COL12A1: variants seen among roughly 807,000 people sequenced by gnomAD.
COL12A1 encodes collagen alpha-1(XII) chain.
Under a neutral mutation model 349.7 loss-of-function variants are expected in COL12A1, and 114 were observed. That is an observed-to-expected ratio of 0.33 (90% CI 0.28 to 0.38). The LOEUF (loss-of-function observed/expected upper bound fraction) is 0.38. Ranked by LOEUF, COL12A1 falls within the 10% of genes least tolerant of loss-of-function variation. The pLI is 1.00. For missense variants in COL12A1, 3,284 were observed against 3,756.9 expected, an observed-to-expected ratio of 0.87 and a Z score of 3.29; for synonymous variants, 1,369 against 1,329.0, an observed-to-expected ratio of 1.03 and a Z score of -0.66.
At chr6:75,176,518 T>C (rs969172161) in intron 12 of COL12A1, among the ~76,000 whole-genome samples, 14 of 142,110 alleles carry the variant, frequency 9.9e-5, no homozygotes, top group African/African-American at 3.7e-4. Context: ...GAGAGTGATG[T>C]AGAGGGAGGG....
chr6:75,196,559 A>G (rs1400835678), intron 2 of COL12A1, among the ~76,000 whole-genome samples: 2 of 152,218 alleles, frequency 1.3e-5, no homozygotes, highest in African/African-American at 4.8e-5. Flanking sequence ...AGATTAGACT[A>G]TTAATCTACA....
Position 75,118,312 on chromosome 6 carries a change from C to T in COL12A1, c.7354+731G>A, listed in dbSNP as rs74903179. On this transcript the variant is annotated intron_variant, in intron 46 of 65. Coordinates refer to ENST00000322507, the MANE Select transcript of COL12A1 (RefSeq NM_004370.6). ...GAAAAAAAGACAGTATGACTTAGCA[C>T]TAATCATAACTCATAAATTTAGCCA... 3.9e-5 allele frequency among the ~76,000 whole-genome samples: 6 copies of T among 152,200 alleles called. No individual in the cohort carries two copies. The East Asian group carries it at 1.2e-3, about 29-fold the overall frequency.
intron 52 of COL12A1, among the ~76,000 whole-genome samples, chr6:75,108,180 A>G (rs887818421): frequency 3.3e-5 from 5 of 151,876 alleles, no homozygotes; most frequent in African/African-American, 1.2e-4. Context: ...CCTAGGCTCT[A>G]GCAGTCTTCC....
chr6:75,102,575 T>A, intron 56 of COL12A1, 22 bp downstream of exon 56: 1 of 1,477,004 alleles, frequency 6.8e-7, no homozygotes, highest in African/African-American at 1.5e-5. Flanking sequence ...TCTCATTTAA[T>A]ACAGAAAGGC....
chr6:75,154,286 T>C (rs949046529), intron 17 of COL12A1, 130 bp downstream of exon 17: 1 of 1,115,114 alleles, frequency 9.0e-7, no homozygotes, highest in Admixed American at 3.2e-5. Context: ...TTGCTAAGTA[T>C]GTAAATTATT....
chr6:75,154,370 A>G, intron 17 of COL12A1, 46 bp downstream of exon 17: 2 of 1,589,294 alleles, frequency 1.3e-6, no homozygotes, highest in Non-Finnish European at 1.7e-6. Flanking sequence ...CATTTGAAAT[A>G]GTTTCCTAAG....
chr6:75,144,430 GCT>G (rs1408952517), intron 25 of COL12A1, among the ~76,000 whole-genome samples: 1 of 152,142 alleles, frequency 6.6e-6, no homozygotes, highest in African/African-American at 2.4e-5. Flanking sequence ...GCCCCATCAT[GCT>G]CTGTTTCCTT....
At chr6:75,139,799 C>T (rs997677459) in intron 27 of COL12A1, among the ~76,000 whole-genome samples, 5 of 152,172 alleles carry the variant, frequency 3.3e-5, no homozygotes, top group Non-Finnish European at 7.3e-5. Context: ...CTGCTGAAAT[C>T]CCCTTTCACA....
intron 53 of COL12A1, among the ~76,000 whole-genome samples, chr6:75,106,177 C>T (rs1053624416): frequency 4.6e-5 from 7 of 152,142 alleles, no homozygotes; most frequent in Non-Finnish European, 1.0e-4. Flanking sequence ...AACACATTAA[C>T]TCAGCAGGAC....
rs182622694 is a variant in COL12A1, at chr6:75,137,863, G to A, written c.5252-284C>T. On this transcript the variant is annotated intron_variant, in intron 30 of 65. Transcript: ENST00000322507. ...AATTAGGGTTAGATTAGGTCATGAG[G>A]GTGGGGCTGCCATAATGGGATTAGT... is the stretch of plus-strand genomic sequence containing the variant. 2.9e-3 allele frequency among the ~76,000 whole-genome samples: 438 copies of A among 152,034 alleles called. 6 individuals carry two copies. Among genetic ancestry groups the A allele is most frequent in the African/African-American group, 0.01 (421 of 41,446 alleles).
In COL12A1 at chr6:75,142,025, A is replaced by C. The variant is rs754330750; in HGVS notation, c.4957+7T>G. The C allele has an allele frequency of 6.2e-7, 1 of 1,614,016 alleles. No individual in the cohort carries two copies. The highest frequency in any genetic ancestry group is 8.5e-7 in the Non-Finnish European group (1 of 1,179,948). ...CCCATTATCAGTGGAGCAGGAGCAC[A>C]ACTCACGGGTAGTTTCTTGAGCAGT... On this transcript the variant is annotated splice_region_variant and intron_variant, in intron 27 of 65. Coordinates refer to ENST00000322507, the MANE Select transcript of COL12A1 (RefSeq NM_004370.6).
intron 17 of COL12A1, 69 bp from the exon 18 acceptor site, chr6:75,152,551 C>T: frequency 1.8e-5 from 28 of 1,557,298 alleles, no homozygotes; most frequent in Non-Finnish European, 2.3e-5. Context: ...CTTGTCACAC[C>T]TCTACCACTC....
In COL12A1 at chr6:75,154,417, A is replaced by G. The variant is rs761267414; in HGVS notation, c.3564T>C (p.Ser1188=). The change falls in exon 17 of 66, where the codon TCT becomes TCC. Residue 1188 remains serine, a splice_region_variant and synonymous_variant. Transcript: ENST00000322507. ...SDTTVMPILS[S]GMECLTRAEA... ...AAGGAATGTAACTCAATTTCTTACC[A>G]GAAGATAAAATTGGCATAACAGTTG... 6.2e-7 allele frequency: 1 copy of G among 1,611,284 alleles called. No homozygotes were observed. Among genetic ancestry groups the G allele is most frequent in the Non-Finnish European group, 8.5e-7 (1 of 1,178,422 alleles).
intron 42 of COL12A1, 76 bp from the exon 43 acceptor site, chr6:75,123,480 A>T: frequency 8.4e-7 from 1 of 1,185,984 alleles, no homozygotes; most frequent in Non-Finnish European, 1.2e-6. Context: ...TTTTAAGAGC[A>T]ATTTAAATCC....
intron 27 of COL12A1, among the ~76,000 whole-genome samples, chr6:75,140,428 G>C (rs988098056): frequency 3.9e-5 from 6 of 152,082 alleles, no homozygotes; most frequent in Admixed American, 3.9e-4. Context: ...AGACCGAGGC[G>C]GGCGGATCAC....
At position 75,165,662 on chromosome 6, in the gene COL12A1, T is replaced by C; in HGVS notation, c.2828A>G (p.Tyr943Cys). 6.2e-7 allele frequency: 1 copy of C among 1,614,066 alleles called. No homozygotes were observed. Among genetic ancestry groups the C allele is most frequent in the Non-Finnish European group, 8.5e-7 (1 of 1,179,928 alleles). ...RGYRVSWKSL[Y>C]DDVDTGEKNL... ...TTTCTCTCCAGTGTCAACATCATCATAAAGTGATTTCCATGAGACCCTGTA... is the reference window on the plus strand; with the variant it reads ...TTTCTCTCCAGTGTCAACATCATCACAAAGTGATTTCCATGAGACCCTGTA... Residue 943 changes from tyrosine to cysteine, a missense_variant, in exon 14 of 66, where the codon TAT becomes TGT. Transcript: ENST00000322507.
Position 75,145,440 on chromosome 6 carries a change from T to C in COL12A1, c.4576A>G (p.Thr1526Ala), listed in dbSNP as rs766235692. 6.2e-7 allele frequency: 1 copy of C among 1,613,904 alleles called. No individual in the cohort carries two copies. The highest frequency in any genetic ancestry group is 1.7e-5 in the Admixed American group (1 of 60,004). The change falls in exon 25 of 66, where the codon ACA becomes GCA. Residue 1526 changes from threonine to alanine, a missense_variant. Thr to Ala is a moderately conservative substitution (Grantham distance 58, BLOSUM62 0). Around this residue, in one of 2 missense-constraint regions of COL12A1, gnomAD observed 2,601 missense variants for 2,824.8 expected, o/e 0.92. Coordinates refer to ENST00000322507, the MANE Select transcript of COL12A1 (RefSeq NM_004370.6). ...TCAGTCAGCTGCATGTCATTCACTG[T>C]TGGCCCCAAACGCACCTGCACATGG... Reference protein sequence around the residue: ...TRPKEVRLGPTVNDMQLTDLV... With the variant: ...TRPKEVRLGPAVNDMQLTDLV...
chr6:75,090,411 T>A lies in COL12A1; in HGVS notation c.8753-113A>T. ...ATCCATCTCCATTCTGCAACCCCTC[T>A]AAGGAAACAATCTAATTAGAATCCT... On this transcript the variant is annotated intron_variant, in intron 62 of 65. Transcript: ENST00000322507. The surrounding 1 kb of genome is among the most constrained non-coding windows in gnomAD (Gnocchi z 4.1). 1.0e-6 allele frequency: 1 copy of A among 978,188 alleles called. No individual in the cohort carries two copies. Among genetic ancestry groups the A allele is most frequent in the Non-Finnish European group, 1.5e-6 (1 of 663,406 alleles). The allele number at this position is 978,188 out of a possible 1,614,324, so 60.6% of individuals were successfully genotyped here.
chr6:75,109,249 T>C, intron 51 of COL12A1, 82 bp from the exon 52 acceptor site: 2 of 1,015,490 alleles, frequency 2.0e-6, no homozygotes, highest in South Asian at 1.9e-5. Context: ...TCAGATTTTT[T>C]TGAAGTTTTT....
Sources: allele counts gnomAD v4.1 joint callset (sites outside exome capture counted in the v4.1 genomes callset), GRCh38; gene constraint gnomAD v4.1.1; regional missense constraint gnomAD v4.1.1; non-coding constraint Gnocchi (gnomAD v3.1); transcripts MANE v1.5; gene names NCBI Gene and HGNC (gene_info 2026-07-23, HGNC 2026-07-21).